The following FARS2 variants were observed in gnomAD, a reference collection of about 807,000 sequenced individuals.
The protein encoded by FARS2 is phenylalanine--tRNA ligase, mitochondrial.
Under a neutral mutation model 46.4 loss-of-function variants are expected in FARS2, and 40 were observed. The ratio of observed to expected loss-of-function variants is 0.86; its 90% CI spans 0.67 to 1.12. FARS2 has a LOEUF of 1.12. Among genes scored for constraint, FARS2 ranks in the 50% most tolerant of loss-of-function variants. The pLI, the probability that FARS2 is intolerant of heterozygous loss-of-function variation, is 0.00. For missense variants in FARS2, 513 were observed against 567.9 expected, an observed-to-expected ratio of 0.90 and a Z score of 0.98; for synonymous variants, 234 against 214.9, an observed-to-expected ratio of 1.09 and a Z score of -0.78.
chr6:5,524,633 T>C (rs1480148377), intron 4 of FARS2, among the ~76,000 whole-genome samples: 1 of 152,232 alleles, frequency 6.6e-6, no homozygotes, highest in Non-Finnish European at 1.5e-5. Flanking sequence ...GCCCTTTCCC[T>C]GTAATAACTG....
intron 5 of FARS2, among the ~76,000 whole-genome samples, chr6:5,562,693 T>TAC (rs1491167694): frequency 4.0e-5 from 4 of 99,334 alleles, no homozygotes; most frequent in Non-Finnish European, 5.7e-5. Context: ...CACTGTAATT[T>TAC]ATACACACAC....
At chr6:5,379,113 G>A (rs1245300162) in intron 2 of FARS2, among the ~76,000 whole-genome samples, 4 of 152,184 alleles carry the variant, frequency 2.6e-5, no homozygotes, top group Non-Finnish European at 5.9e-5. Context: ...TAGTTTGTGT[G>A]TGCCTGGTGT....
chr6:5,476,677 C>T (rs1022990501), intron 4 of FARS2, among the ~76,000 whole-genome samples: 4 of 152,144 alleles, frequency 2.6e-5, no homozygotes, highest in African/African-American at 9.7e-5. Context: ...AGGCCGTTGC[C>T]ATGCCGAGGA....
intron 6 of FARS2, among the ~76,000 whole-genome samples, chr6:5,771,088 C>A (rs930367394): frequency 6.6e-6 from 1 of 152,226 alleles, no homozygotes; most frequent in Non-Finnish European, 1.5e-5. Flanking sequence ...AAACCAGCAG[C>A]CTCCTTTAGT....
chr6:5,559,547 A>G (rs544309852), intron 5 of FARS2, among the ~76,000 whole-genome samples: 6 of 152,310 alleles, frequency 3.9e-5, no homozygotes, highest in Admixed American at 1.3e-4. Context: ...GTTCTTATCC[A>G]TTTGTATGTG....
At chr6:5,266,182 A>T (rs189296742) in intron 1 of FARS2, among the ~76,000 whole-genome samples, 1 of 152,344 alleles carries the variant, frequency 6.6e-6, no homozygotes, top group East Asian at 1.9e-4. Flanking sequence ...GAGGTCTAAG[A>T]AAAAACAATC....
At chr6:5,337,161 G>A (rs1190969207) in intron 1 of FARS2, among the ~76,000 whole-genome samples, 1 of 150,226 alleles carries the variant, frequency 6.7e-6, no homozygotes, top group Non-Finnish European at 1.5e-5. Context: ...GTATGTGTGT[G>A]TGTATGTGTA....
chr6:5,483,443 G>A lies in FARS2; in HGVS notation c.904+52271G>A, dbSNP rs1032266667. On this transcript the variant is annotated intron_variant, in intron 4 of 6. Transcript: ENST00000274680. ...GCTATAATCCCAGGCCAAGGCAGGC[G>A]GGTCACCTGAGGTCACGAGGTCAAG... 5.3e-5 allele frequency among the ~76,000 whole-genome samples: 8 copies of A among 152,142 alleles called. No homozygotes were observed. In the East Asian group the frequency reaches 9.7e-4, roughly 18 times the overall value.
chr6:5,250,528 A>C, the FARS2 span, among the ~76,000 whole-genome samples: 1 of 151,872 alleles, frequency 6.6e-6, no homozygotes, highest in East Asian at 1.9e-4. Flanking sequence ...TAAGAGAAAA[A>C]AATGTTTTTT....
chr6:5,277,561 G>A (rs926840782), intron 1 of FARS2, among the ~76,000 whole-genome samples: 1 of 152,080 alleles, frequency 6.6e-6, no homozygotes, highest in Admixed American at 6.5e-5. Context: ...CTGAATACTC[G>A]ATACATTTGT....
At chr6:5,431,595 T>G in intron 4 of FARS2, 1 of 518,750 alleles carries the variant, frequency 1.9e-6, no homozygotes, top group South Asian at 1.5e-5. Flanking sequence ...AGCAAGTATT[T>G]TATAAATACA....
chr6:5,561,917 A>T (rs574231332), intron 5 of FARS2, among the ~76,000 whole-genome samples: 29 of 152,012 alleles, frequency 1.9e-4, no homozygotes, highest in Non-Finnish European at 3.7e-4. Context: ...TTTTTAACTT[A>T]ATAATGTTTA....
intron 4 of FARS2, among the ~76,000 whole-genome samples, chr6:5,432,424 T>TATATTATAAATATAATATATAAA (rs1763264740): frequency 7.8e-6 from 1 of 128,156 alleles, no homozygotes; most frequent in African/African-American, 3.0e-5. Context: ...TAATATATAA[T>TATATTATAAATATAATATATAAA]ATATTATAAA....
At chr6:5,274,680 G>A (rs900507823) in intron 1 of FARS2, among the ~76,000 whole-genome samples, 13 of 151,922 alleles carry the variant, frequency 8.6e-5, no homozygotes, top group African/African-American at 2.7e-4. Context: ...TTTCAGCCAC[G>A]ATTATTTAGT....
rs70975905 is a variant in FARS2 at position 5,407,066 on chromosome 6, T to TATATATAA, written c.772+2366_772+2367insTATATAAA. Among the ~76,000 whole-genome samples the TATATATAA allele has an allele frequency of 7.3e-4, 80 of 109,698 alleles. 1 individual carries two copies. Among genetic ancestry groups the TATATATAA allele is most frequent in the East Asian group, 1.5e-3 (4 of 2,652 alleles). 72.0% of individuals were successfully genotyped at this position (109,698 alleles called of 152,430 possible). ...AATTATATATATATATATATATATATAATGACCAATAAATATATGAAAAGA... is the reference window on the plus strand; with the variant it reads ...AATTATATATATATATATATATATATATATATAAAATGACCAATAAATATATGAAAAGA... On this transcript the variant is annotated intron_variant, in intron 3 of 6. Coordinates refer to ENST00000274680, the MANE Select transcript of FARS2 (RefSeq NM_006567.5).
intron 5 of FARS2, among the ~76,000 whole-genome samples, chr6:5,557,889 C>T (rs1049476430): frequency 2.0e-5 from 3 of 151,952 alleles, no homozygotes; most frequent in Admixed American, 6.5e-5. Flanking sequence ...ACACTTTTTT[C>T]GGTTTGAAAT....
At chr6:5,678,672 A>G (rs914114715) in intron 6 of FARS2, among the ~76,000 whole-genome samples, 2 of 152,146 alleles carry the variant, frequency 1.3e-5, no homozygotes, top group Non-Finnish European at 2.9e-5. Context: ...GGAGCTTCAA[A>G]CATGTCTCAT....
chr6:5,653,031 G>A (rs371271370), intron 6 of FARS2, among the ~76,000 whole-genome samples: 6 of 152,280 alleles, frequency 3.9e-5, no homozygotes, highest in South Asian at 4.1e-4. Context: ...GCCATACGCC[G>A]TTTGTTCAGT....
At chr6:5,606,470 T>C (rs1290215659) in intron 5 of FARS2, among the ~76,000 whole-genome samples, 2 of 151,126 alleles carry the variant, frequency 1.3e-5, no homozygotes, top group Non-Finnish European at 3.0e-5. Context: ...ACCGAGAGAG[T>C]TTGCCTCCTG....
Sources: allele counts gnomAD v4.1 joint callset (sites outside exome capture counted in the v4.1 genomes callset), GRCh38; gene constraint gnomAD v4.1.1; transcripts MANE v1.5; gene names NCBI Gene and HGNC (gene_info 2026-07-23, HGNC 2026-07-21).